PHC2: variants seen among roughly 807,000 people sequenced by gnomAD.
The protein encoded by PHC2 is polyhomeotic-like protein 2.
PHC2 carries 29 observed loss-of-function variants against 87.4 expected under a neutral mutation model. That is an observed-to-expected ratio of 0.33 (90% CI 0.25 to 0.45). PHC2 has a LOEUF of 0.45. PHC2 is among the 20% of genes least tolerant of loss of function. The pLI is 1.00. For synonymous variants in PHC2, 438 were observed against 461.7 expected (o/e 0.95, Z 0.66); for missense variants, 857 against 1,136.7 (o/e 0.75, Z 3.54).
intron 9 of PHC2, among the ~76,000 whole-genome samples, chr1:33,351,896 G>A (rs1184330307): frequency 6.9e-6 from 1 of 144,872 alleles, no homozygotes; most frequent in East Asian, 2.1e-4. Flanking sequence ...AGATTGCAGT[G>A]AGCTGAGATC....
intron 1 of PHC2, among the ~76,000 whole-genome samples, chr1:33,409,371 T>C (rs1346295553): frequency 6.6e-6 from 1 of 152,126 alleles, no homozygotes; most frequent in African/African-American, 2.4e-5. Context: ...ATAAAATCAG[T>C]TTAAGAAAGA....
Position 33,355,111 on chromosome 1 carries a change from C to T in PHC2, c.1119G>A (p.Glu373=). ...AGACTGAGGCGAGCTGGGGGTGGGG[C>T]TCAGCTTGGAGCACAGGCCGTGACT... ...PQQSRPVLQA[E]PHPQLASVSP... is the part of the protein sequence containing the mutation. The change falls in exon 8 of 15, where the codon GAG becomes GAA. Residue 373 remains glutamate, a synonymous_variant. Transcript: ENST00000683057. 6.2e-7 allele frequency: 1 copy of T among 1,611,134 alleles called. No individual in the cohort carries two copies. Among genetic ancestry groups the T allele is most frequent in the Non-Finnish European group, 8.5e-7 (1 of 1,178,858 alleles).
intron 1 of PHC2, among the ~76,000 whole-genome samples, chr1:33,423,562 G>A (rs1390155419): frequency 6.6e-6 from 1 of 152,104 alleles, no homozygotes; most frequent in Non-Finnish European, 1.5e-5. Context: ...TTTTTCTCAG[G>A]AGCAGCAACC....
Position 33,401,083 on chromosome 1 carries a change from T to C in PHC2, c.-54-25490A>G, listed in dbSNP as rs10914696. Among the ~76,000 whole-genome samples, 395 of 152,288 alleles carry C rather than the reference T, an allele frequency of 2.6e-3. 2 individuals carry two copies. The highest frequency in any genetic ancestry group is 8.9e-3 in the African/African-American group (369 of 41,548). ...GGCTCACGTCTGTAATCCTAGCACTTTGGGAGGCCGAGGTAGGCGAATCAA... is the reference window on the plus strand; with the variant it reads ...GGCTCACGTCTGTAATCCTAGCACTCTGGGAGGCCGAGGTAGGCGAATCAA... On this transcript the variant is annotated intron_variant, in intron 1 of 14. Coordinates refer to ENST00000683057, the MANE Select transcript of PHC2 (RefSeq NM_001385109.1).
chr1:33,415,127 G>A (rs914986768), intron 1 of PHC2, among the ~76,000 whole-genome samples: 5 of 152,202 alleles, frequency 3.3e-5, no homozygotes, highest in African/African-American at 1.2e-4. Flanking sequence ...CCGAGTCGAG[G>A]TGACTGAGAT....
At chr1:33,335,956 G>T (rs954939197) in intron 9 of PHC2, among the ~76,000 whole-genome samples, 1 of 151,340 alleles carries the variant, frequency 6.6e-6, no homozygotes. Context: ...ATGGGTCTTG[G>T]TCCACTCAAG....
intron 1 of PHC2, among the ~76,000 whole-genome samples, chr1:33,412,457 TACC>T (rs61196925): frequency 0.066 from 10,013 of 152,242 alleles, 565 homozygotes; most frequent in East Asian, 0.18. Flanking sequence ...TCTATTCAAT[TACC>T]ACCAGCTTTA....
At chr1:33,375,337 T>C (rs756467219) in intron 2 of PHC2, 29 bp downstream of exon 2, 3 of 1,494,358 alleles carry the variant, frequency 2.0e-6, no homozygotes, top group Non-Finnish European at 2.7e-6. Flanking sequence ...GATTAAGGAG[T>C]ATAATTCCCA....
chr1:33,407,759 G>A (rs948050303), intron 1 of PHC2, among the ~76,000 whole-genome samples: 1 of 152,130 alleles, frequency 6.6e-6, no homozygotes, highest in Admixed American at 6.5e-5. Flanking sequence ...TATTCTAAGA[G>A]ATAGTATTTT....
chr1:33,367,383 C>A lies in PHC2; in HGVS notation c.709G>T (p.Ala237Ser). 1 of 1,601,394 alleles carries A rather than the reference C, an allele frequency of 6.2e-7. No homozygotes were observed. The highest frequency in any genetic ancestry group is 2.2e-5 in the East Asian group (1 of 44,612). Residue 237 changes from alanine (A) to serine (S), a missense_variant, in exon 7 of 15, where the codon GCC becomes TCC. Physicochemically the swap from Ala to Ser is moderately conservative, Grantham distance 99. Coordinates refer to ENST00000683057, the MANE Select transcript of PHC2 (RefSeq NM_001385109.1). ...LRTQQTPAAA[A>S]SGPTPTQPVL... ...GGCTGAGTGGGGGTGGGGCCCGAGGCTGCTGCCGCTGGTGTCTGCTGTGTT... is the reference window on the plus strand; with the variant it reads ...GGCTGAGTGGGGGTGGGGCCCGAGGATGCTGCCGCTGGTGTCTGCTGTGTT...
intron 1 of PHC2, among the ~76,000 whole-genome samples, chr1:33,419,018 C>T (rs1218656333): frequency 6.6e-6 from 1 of 152,202 alleles, no homozygotes; most frequent in African/African-American, 2.4e-5. Flanking sequence ...CCATTATTTA[C>T]TAACTGCATC....
intron 5 of PHC2, 111 bp downstream of exon 5, chr1:33,370,310 G>T: frequency 8.5e-6 from 8 of 939,852 alleles, no homozygotes; most frequent in South Asian, 1.7e-5. Context: ...CTTATCTCCT[G>T]CCCCTGCCCC....
intron 9 of PHC2, among the ~76,000 whole-genome samples, chr1:33,348,725 AG>A (rs1646893915): frequency 6.6e-6 from 1 of 152,208 alleles, no homozygotes; most frequent in Admixed American, 6.5e-5. Flanking sequence ...TTGATTTGTA[AG>A]GGAAGAAAAA....
At chr1:33,347,517 CCAA>C (rs1361805685) in intron 9 of PHC2, 1 of 985,140 alleles carries the variant, frequency 1.0e-6, no homozygotes, top group Non-Finnish European at 1.2e-6. Context: ...TGATGAAACA[CCAA>C]CATTCATTAA....
chr1:33,429,182 C>T (rs1650801736), intron 1 of PHC2, among the ~76,000 whole-genome samples: 1 of 152,168 alleles, frequency 6.6e-6, no homozygotes, highest in South Asian at 2.1e-4. Context: ...TCCTATTCAA[C>T]CTCCACATGA....
At position 33,364,436 on chromosome 1, in the gene PHC2, G is replaced by A. The variant is rs1043760346; in HGVS notation, c.976+2680C>T. On this transcript the variant is annotated intron_variant, in intron 7 of 14. Transcript: ENST00000683057. The surrounding 1 kb of genome is among the most constrained non-coding windows in gnomAD (Gnocchi z 4.1). ...CACACACACACACACGCTCAAGCAC[G>A]CTCTTCTCTCCTGCTCTCAGATCCC... Among the ~76,000 whole-genome samples, 21 of 149,716 alleles carry A rather than the reference G, an allele frequency of 1.4e-4. No individual in the cohort carries two copies. Among genetic ancestry groups the A allele is most frequent in the African/African-American group, 3.2e-4 (13 of 40,564 alleles).
At chr1:33,333,279 CCGCG>C (rs1421631838) in intron 10 of PHC2, 5 of 152,234 alleles carry the variant, frequency 3.3e-5, no homozygotes, top group Non-Finnish European at 5.9e-5. Context: ...TAATCAAGCT[CCGCG>C]TCTTCTGCAG....
At position 33,324,988 on chromosome 1, in the gene PHC2, G is replaced by A. The variant is rs1418534275; in HGVS notation, c.2457C>T (p.Ala819=). The A allele has an allele frequency of 1.2e-6, 2 of 1,613,346 alleles. No homozygotes were observed. Among genetic ancestry groups the A allele is most frequent in the African/African-American group, 2.7e-5 (2 of 74,900 alleles). Reference sequence around the variant, plus strand: ...GCAGGGCTTGCCCGTCGATTTCCTGGGCACGGAATTCCTCTGCTATCTCCT... The same window carrying A: ...GCAGGGCTTGCCCGTCGATTTCCTGAGCACGGAATTCCTCTGCTATCTCCT... ...GCQEIAEEFR[A]QEIDGQALLL... Residue 819 remains alanine (A), a synonymous_variant, in exon 15 of 15, where the codon GCC becomes GCT. Coordinates refer to ENST00000683057, the MANE Select transcript of PHC2 (RefSeq NM_001385109.1).
chr1:33,392,993 T>G (rs1236367196), intron 1 of PHC2, among the ~76,000 whole-genome samples: 3 of 152,188 alleles, frequency 2.0e-5, no homozygotes, highest in African/African-American at 4.8e-5. Context: ...AGGGGACTAT[T>G]GAAGCCAGGC....
Sources: allele counts gnomAD v4.1 joint callset (sites outside exome capture counted in the v4.1 genomes callset), GRCh38; gene constraint gnomAD v4.1.1; non-coding constraint Gnocchi (gnomAD v3.1); transcripts MANE v1.5; gene names NCBI Gene and HGNC (gene_info 2026-07-23, HGNC 2026-07-21).